Variants in C6 observed in about 807,000 individuals in gnomAD.
C6 encodes complement component C6.
In C6, 101 loss-of-function variants were observed where a neutral mutation model predicts 112.9. That is an observed-to-expected ratio of 0.89 (90% CI 0.76 to 1.06). The LOEUF (loss-of-function observed/expected upper bound fraction) is 1.06, where lower values mean the gene tolerates loss of function less well. C6 is among the 50% of genes least tolerant of loss of function. The pLI, the probability that C6 is intolerant of heterozygous loss-of-function variation, is 0.00. For missense variants in C6, 1,202 were observed against 1,104.6 expected, an observed-to-expected ratio of 1.09 and a Z score of -1.25; for synonymous variants, 431 against 384.1, an observed-to-expected ratio of 1.12 and a Z score of -1.43.
chr5:41,216,815 C>T (rs1580214175), upstream of C6, among the ~76,000 whole-genome samples: 1 of 152,230 alleles, frequency 6.6e-6, no homozygotes, highest in East Asian at 1.9e-4. Flanking sequence ...TTCTAATCTA[C>T]TCTGCAAGGA....
chr5:41,225,375 T>C (rs1426643619), intron 1 of C6, among the ~76,000 whole-genome samples: 1 of 152,162 alleles, frequency 6.6e-6, no homozygotes, highest in Non-Finnish European at 1.5e-5. Flanking sequence ...GCTTTATCCA[T>C]ATCCCTACAA....
chr5:41,142,683 T>G lies in C6; in HGVS notation c.*142A>C. The G allele has an allele frequency of 1.4e-6, 1 of 714,724 alleles. No homozygotes were observed. Among genetic ancestry groups the G allele is most frequent in the Non-Finnish European group, 2.5e-6 (1 of 398,366 alleles). The allele number at this position is 714,724 out of a possible 1,614,324, so 44.3% of individuals were successfully genotyped here. A position where few individuals can be genotyped will look rare whatever the true frequency, so the allele number is the denominator to read the frequency against. On this transcript the variant is annotated 3_prime_UTR_variant, in exon 18 of 18. Coordinates refer to ENST00000337836, the MANE Select transcript of C6 (RefSeq NM_000065.5). ...AAACAGGAGAGTCAGGGGAGAATAA[T>G]GATCTCAAACTAACAGAAAATAATT... is the stretch of plus-strand genomic sequence containing the variant.
At chr5:41,148,479 C>A (rs1466682502) in intron 17 of C6, among the ~76,000 whole-genome samples, 1 of 152,062 alleles carries the variant, frequency 6.6e-6, no homozygotes, top group African/African-American at 2.4e-5. Context: ...TTAGAGTCAC[C>A]CCAAATTAGA....
intron 1 of C6, among the ~76,000 whole-genome samples, chr5:41,233,035 CTA>C (rs1263329348): frequency 6.6e-6 from 1 of 151,854 alleles, no homozygotes; most frequent in East Asian, 1.9e-4. Flanking sequence ...AATTAATATT[CTA>C]TTATGTATAT....
At chr5:41,219,417 C>A (rs543491715) in intron 1 of C6, among the ~76,000 whole-genome samples, 1 of 151,918 alleles carries the variant, frequency 6.6e-6, no homozygotes, top group Non-Finnish European at 1.5e-5. Context: ...CTGTATTGAG[C>A]GCCCTTTGTT....
intron 6 of C6, among the ~76,000 whole-genome samples, chr5:41,185,523 A>T (rs1749698481): frequency 6.6e-6 from 1 of 152,222 alleles, no homozygotes; most frequent in Admixed American, 6.5e-5. Context: ...CATGAGTTAG[A>T]TTCTGAGAGT....
chr5:41,158,770 G>A lies in C6; in HGVS notation c.1872C>T (p.Ile624=). 3.8e-6 allele frequency: 6 copies of A among 1,578,236 alleles called. No individual in the cohort carries two copies. The highest frequency in any genetic ancestry group is 5.2e-6 in the Non-Finnish European group (6 of 1,147,732). The change falls in exon 13 of 18, where the codon ATC becomes ATT. Residue 624 remains isoleucine (I), a synonymous_variant. Transcript: ENST00000337836. ...SIMENNGQPC[I]NDDEEMKEVD... Reference sequence around the variant, plus strand: ...CCTCTTTCATTTCTTCGTCATCATTGATACATGGTTGTCCACTAAAAGGGA... The same window carrying A: ...CCTCTTTCATTTCTTCGTCATCATTAATACATGGTTGTCCACTAAAAGGGA...
intron 1 of C6, among the ~76,000 whole-genome samples, chr5:41,232,133 T>G (rs1739942046): frequency 6.6e-6 from 1 of 152,160 alleles, no homozygotes; most frequent in African/African-American, 2.4e-5. Flanking sequence ...TTAGCTTTGT[T>G]ATATATTGCT....
chr5:41,253,352 G>C (rs1238950679), intron 1 of C6, among the ~76,000 whole-genome samples: 1 of 152,112 alleles, frequency 6.6e-6, no homozygotes, highest in African/African-American at 2.4e-5. Context: ...AAAGGCTGGA[G>C]GAGGGCCCTC....
intron 17 of C6, among the ~76,000 whole-genome samples, chr5:41,146,838 C>A (rs1024580031): frequency 1.3e-5 from 2 of 149,248 alleles, no homozygotes; most frequent in South Asian, 2.1e-4. Context: ...ACAGGTATTT[C>A]GATAAAATTG....
intron 1 of C6, among the ~76,000 whole-genome samples, chr5:41,257,158 C>T (rs965243041): frequency 2.0e-5 from 3 of 151,960 alleles, no homozygotes; most frequent in Non-Finnish European, 4.4e-5. Flanking sequence ...AGTTTTTTGA[C>T]CTTTACACTC....
chr5:41,147,755 C>A (rs553849679), intron 17 of C6, among the ~76,000 whole-genome samples: 1 of 152,112 alleles, frequency 6.6e-6, no homozygotes, highest in Non-Finnish European at 1.5e-5. Context: ...ATCTCCAATC[C>A]GTCTTTTGAA....
intron 13 of C6, among the ~76,000 whole-genome samples, chr5:41,156,312 A>G (rs1388232237): frequency 6.6e-6 from 1 of 152,084 alleles, no homozygotes; most frequent in Non-Finnish European, 1.5e-5. Flanking sequence ...TGATTTCCCT[A>G]GTATCTTGAG....
chr5:41,165,282 G>A (rs73753104), intron 9 of C6, among the ~76,000 whole-genome samples: 3,307 of 152,066 alleles, frequency 0.022, 123 homozygotes, highest in African/African-American at 0.075. Context: ...TTTTGTTGGC[G>A]CATATCTATT....
rs536584591 is a variant in C6 at position 41,234,203 on chromosome 5, G to T, written c.-21+26991C>A. On this transcript the variant is annotated intron_variant, in intron 1 of 17. Transcript: ENST00000263413. ...GAAAAGTAGAAAACACTATGTAATT[G>T]CAATGTATCAATATCAATAACTTCC... Among the ~76,000 whole-genome samples, 21 of 152,118 alleles carry T rather than the reference G, an allele frequency of 1.4e-4. No homozygotes were observed. In the East Asian group the frequency reaches 3.5e-3, roughly 25 times the overall value.
intron 15 of C6, among the ~76,000 whole-genome samples, chr5:41,152,342 T>A (rs566776549): frequency 6.6e-6 from 1 of 152,242 alleles, no homozygotes; most frequent in South Asian, 2.1e-4. Flanking sequence ...TTGGTTTCTT[T>A]GCTCATGTTG....
chr5:41,230,259 G>C (rs1283121796), intron 1 of C6, among the ~76,000 whole-genome samples: 1 of 152,102 alleles, frequency 6.6e-6, no homozygotes, highest in Non-Finnish European at 1.5e-5. Flanking sequence ...TGACTGGGGG[G>C]TTGGGCAGAA....
chr5:41,216,232 G>A (rs898690637), upstream of C6, among the ~76,000 whole-genome samples: 3 of 152,064 alleles, frequency 2.0e-5, no homozygotes, highest in Non-Finnish European at 4.4e-5. Context: ...TGAAATCTAT[G>A]TGATAAATAC....
upstream of C6, among the ~76,000 whole-genome samples, chr5:41,214,662 G>T (rs1580211675): frequency 2.0e-5 from 3 of 152,044 alleles, no homozygotes; most frequent in East Asian, 5.8e-4. Context: ...AGAAATATTT[G>T]GTGATTGGAC....
Sources: gnomAD v4.1 joint callset for allele counts (sites outside exome capture counted in the v4.1 genomes callset) on GRCh38, gnomAD v4.1.1 for gene constraint, MANE v1.5 for transcripts, NCBI Gene and HGNC (gene_info 2026-07-23, HGNC 2026-07-21) for gene names.